Variants in MICAL2 observed in about 807,000 individuals in gnomAD.
MICAL2 encodes the protein [F-actin]-monooxygenase MICAL2.
A neutral mutation model predicts 127.3 loss-of-function variants in MICAL2; 77 were observed. The ratio of observed to expected loss-of-function variants is 0.60; its 90% CI spans 0.50 to 0.73. MICAL2 has a LOEUF of 0.73. Among genes scored for constraint, MICAL2 ranks in the 30% least tolerant of loss-of-function variants. The probability of loss-of-function intolerance (pLI) is 0.00; values close to 1 mark genes in which losing one functional copy is unlikely to be tolerated. For synonymous variants in MICAL2, 570 were observed against 551.1 expected (o/e 1.03, Z -0.48); for missense variants, 1,351 against 1,434.4 (o/e 0.94, Z 0.94).
chr11:12,353,673 A>G lies in MICAL2; in HGVS notation c.5616-1111A>G, dbSNP rs1338104012. ...CCCTGGCATGGAAAACTTAAGTTCC[A>G]TCTAACCTTCCCTGAGGACTCACCT... On this transcript the variant is annotated intron_variant, in intron 33 of 34. Coordinates refer to the MICAL2 transcript ENST00000646065. Among the ~76,000 whole-genome samples the G allele has an allele frequency of 3.9e-5, 6 of 152,180 alleles. No individual in the cohort carries two copies. In the East Asian group the frequency reaches 1.2e-3, roughly 29 times the overall value.
chr11:12,293,430 T>C, downstream of MICAL2: 3 of 1,177,768 alleles, frequency 2.5e-6, no homozygotes, highest in Non-Finnish European at 3.5e-6. Context: ...TAGGCAAAAT[T>C]ATTTTTTAAT....
intron 2 of MICAL2, among the ~76,000 whole-genome samples, chr11:12,144,248 T>G (rs1288063455): frequency 6.6e-6 from 1 of 152,212 alleles, no homozygotes; most frequent in African/African-American, 2.4e-5. Context: ...TAAACATGTT[T>G]TTCAGAGCAT....
chr11:12,152,693 C>A (rs1853731236), intron 2 of MICAL2, among the ~76,000 whole-genome samples: 1 of 152,120 alleles, frequency 6.6e-6, no homozygotes, highest in Non-Finnish European at 1.5e-5. Context: ...CTTTGGTGGG[C>A]TTCCTGCGGT....
chr11:12,266,454 G>T (rs947675425), downstream of MICAL2, among the ~76,000 whole-genome samples: 2 of 152,256 alleles, frequency 1.3e-5, no homozygotes, highest in Admixed American at 6.5e-5. Context: ...AAAAAAAAAG[G>T]CTTAAGTAAG....
intron 3 of MICAL2, among the ~76,000 whole-genome samples, chr11:12,168,946 C>CA (rs66469229): frequency 0.024 from 2,809 of 115,158 alleles, 120 homozygotes; most frequent in African/African-American, 0.089. Flanking sequence ...GATCCTGTCT[C>CA]AAAAAAAAAA....
intron 32 of MICAL2, among the ~76,000 whole-genome samples, chr11:12,346,936 A>C (rs1938964375): frequency 6.6e-6 from 1 of 152,040 alleles, no homozygotes; most frequent in African/African-American, 2.4e-5. Flanking sequence ...GACACTTCAC[A>C]CATCATTCTC....
At chr11:12,293,998 C>A (rs754429556), downstream of MICAL2, 12 of 1,614,170 alleles carry the variant, frequency 7.4e-6, no homozygotes, top group East Asian at 1.6e-4. Context: ...AGCAGAAGAC[C>A]ATGTTGTTGG....
chr11:12,256,977 C>T lies in MICAL2; in HGVS notation c.3142+6C>T, dbSNP rs1403240082. 6.2e-7 allele frequency: 1 copy of T among 1,610,026 alleles called. No homozygotes were observed. Among genetic ancestry groups the T allele is most frequent in the Non-Finnish European group, 8.5e-7 (1 of 1,178,118 alleles). ...CACCTTTGACTGCGATGAAGGTAACCCCAGGGGCCAGGGCAGCACTGGGCT... is the reference window on the plus strand; with the variant it reads ...CACCTTTGACTGCGATGAAGGTAACTCCAGGGGCCAGGGCAGCACTGGGCT... On this transcript the variant is annotated splice_donor_region_variant and intron_variant, in intron 24 of 27. Coordinates refer to ENST00000683283, the MANE Select transcript of MICAL2 (RefSeq NM_001282663.2).
chr11:12,215,258 TCAGA>T (rs1855992434), intron 7 of MICAL2, among the ~76,000 whole-genome samples: 3 of 152,226 alleles, frequency 2.0e-5, no homozygotes, highest in South Asian at 4.1e-4. Flanking sequence ...AACAGTGCCC[TCAGA>T]CAGTGACAGT....
intron 32 of MICAL2, among the ~76,000 whole-genome samples, chr11:12,348,527 G>A (rs1344162570): frequency 1.3e-5 from 2 of 152,046 alleles, no homozygotes; most frequent in East Asian, 1.9e-4. Context: ...AATCTTTCTG[G>A]GCCCTGGTTT....
intron 11 of MICAL2, 141 bp from the exon 12 acceptor site, chr11:12,223,270 G>A (rs770749169): frequency 1.3e-4 from 90 of 672,792 alleles, no homozygotes; most frequent in Non-Finnish European, 1.8e-4. Flanking sequence ...AGTTGCCTGC[G>A]TTCCCTTGCC....
chr11:12,359,428 C>G (rs1179941073), downstream of MICAL2, among the ~76,000 whole-genome samples: 2 of 151,466 alleles, frequency 1.3e-5, no homozygotes, highest in Admixed American at 1.3e-4. Context: ...CACTAGGGTA[C>G]AAGAGAAGGA....
Position 12,208,378 on chromosome 11 carries a change from C to T in MICAL2, c.589+239C>T, listed in dbSNP as rs1053590076. On this transcript the variant is annotated intron_variant, in intron 5 of 27. Coordinates refer to ENST00000683283, the MANE Select transcript of MICAL2 (RefSeq NM_001282663.2). Reference sequence around the variant, plus strand: ...AACCTGTAATTTGGTTACCCTGTCCCAAGGGGTTGCTACTTTGGCAAAGGA... The same window carrying T: ...AACCTGTAATTTGGTTACCCTGTCCTAAGGGGTTGCTACTTTGGCAAAGGA... The T allele has an allele frequency of 1.9e-5, 8 of 413,612 alleles. No individual in the cohort carries two copies. In the South Asian group the frequency reaches 2.1e-4, roughly 11 times the overall value. The allele number at this position is 413,612 out of a possible 1,614,324, so 25.6% of individuals were successfully genotyped here.
rs558788938 is a variant in MICAL2, at chr11:12,170,892, C to G, written c.264+8473C>G. Among the ~76,000 whole-genome samples the G allele has an allele frequency of 3.3e-5, 5 of 152,344 alleles. No individual in the cohort carries two copies. In the East Asian group the frequency reaches 9.6e-4, roughly 29 times the overall value. On this transcript the variant is annotated intron_variant, in intron 3 of 27. Transcript: ENST00000683283. ...TGGTTCATCCCCGCGTCTCAAGTCC[C>G]CAGCACAGGGCTTGGCACAGGGAAG...
intron 16 of MICAL2, among the ~76,000 whole-genome samples, chr11:12,236,836 G>A (rs1291500259): frequency 6.7e-6 from 1 of 149,104 alleles, no homozygotes; most frequent in Non-Finnish European, 1.5e-5. Flanking sequence ...AAAGAGACCT[G>A]AGATATACAC....
At chr11:12,207,931 G>A in intron 4 of MICAL2, 92 bp from the exon 5 acceptor site, 2 of 953,526 alleles carry the variant, frequency 2.1e-6, no homozygotes, top group Middle Eastern at 4.2e-4. Flanking sequence ...TGTGCTCAAA[G>A]GTCACTGAGC....
At chr11:12,323,442 G>C (rs1864322486) in intron 30 of MICAL2, among the ~76,000 whole-genome samples, 1 of 152,160 alleles carries the variant, frequency 6.6e-6, no homozygotes. Context: ...GTGAGAGAGA[G>C]AGAGTATGTG....
At chr11:12,300,514 G>C (rs1248203386) in intron 29 of MICAL2, among the ~76,000 whole-genome samples, 3 of 152,182 alleles carry the variant, frequency 2.0e-5, no homozygotes, top group African/African-American at 7.2e-5. Context: ...TTCATAGCTT[G>C]AGAGAGACAT....
chr11:12,143,539 G>A (rs56374428), intron 2 of MICAL2, among the ~76,000 whole-genome samples: 6 of 152,104 alleles, frequency 3.9e-5, no homozygotes, highest in Admixed American at 1.3e-4. Context: ...GTTTGTGTCC[G>A]TTTTCTGCAT....
Sources: allele counts gnomAD v4.1 joint callset (sites outside exome capture counted in the v4.1 genomes callset), GRCh38; gene constraint gnomAD v4.1.1; transcripts MANE v1.5; gene names NCBI Gene and HGNC (gene_info 2026-07-23, HGNC 2026-07-21).